The following RCL1 variants were observed in gnomAD, a reference collection of about 807,000 sequenced individuals.
RCL1 encodes the protein RNA 3'-terminal phosphate cyclase-like protein.
In RCL1, 24 loss-of-function variants were observed where a neutral mutation model predicts 42.4. The ratio of observed to expected loss-of-function variants is 0.57; its 90% confidence interval spans 0.41 to 0.80. RCL1 has a LOEUF of 0.80. Ranked by LOEUF, RCL1 falls within the 30% of genes least tolerant of loss-of-function variation. The pLI is 0.00. For synonymous variants in RCL1, 228 were observed against 177.3 expected (o/e 1.29, Z -2.27); for missense variants, 578 against 467.9 (o/e 1.24, Z -2.17).
chr9:4,836,453 C>CA (rs1233058984), intron 5 of RCL1, among the ~76,000 whole-genome samples: 2 of 152,038 alleles, frequency 1.3e-5, no homozygotes, highest in African/African-American at 4.8e-5. Context: ...GATACATGTA[C>CA]TGTGTAGGAC....
chr9:4,822,052 C>G (rs757673315), intron 1 of RCL1, among the ~76,000 whole-genome samples: 8 of 152,250 alleles, frequency 5.3e-5, no homozygotes, highest in African/African-American at 9.6e-5. Flanking sequence ...ATGCAACACA[C>G]AGCAGCTTTA....
intron 1 of RCL1, among the ~76,000 whole-genome samples, chr9:4,822,229 C>A (rs923081710): frequency 4.6e-5 from 7 of 152,196 alleles, no homozygotes; most frequent in African/African-American, 1.7e-4. Flanking sequence ...CCTTTGGGAT[C>A]AGTTTAGGTG....
rs936062013 is a variant in RCL1 at position 4,806,296 on chromosome 9, C to T, written c.136+13069C>T. ...GTTAAGTAAAATGGGTGGGAGGGAA[C>T]ATCCTTGCCTTGTTCCCTATCTTAG... On this transcript the variant is annotated intron_variant, in intron 1 of 8. Transcript: ENST00000381750. Among the ~76,000 whole-genome samples, 3 of 152,162 alleles carry T rather than the reference C, an allele frequency of 2.0e-5. No individual in the cohort carries two copies. The East Asian group carries it at 5.8e-4, about 29-fold the overall frequency.
chr9:4,806,158 G>A (rs1462094028), intron 1 of RCL1, among the ~76,000 whole-genome samples: 1 of 151,416 alleles, frequency 6.6e-6, no homozygotes, highest in Admixed American at 6.6e-5. Context: ...TTTATTTTCT[G>A]TGTAGCTGGT....
At chr9:4,811,179 G>A (rs532175721) in intron 1 of RCL1, among the ~76,000 whole-genome samples, 46 of 151,938 alleles carry the variant, frequency 3.0e-4, no homozygotes, top group Non-Finnish European at 5.9e-4. Flanking sequence ...CTACTCAGGA[G>A]GCTGAGGTGG....
chr9:4,793,037 G>T lies in RCL1; in HGVS notation c.-55G>T. 1 of 1,561,192 alleles carries T rather than the reference G, an allele frequency of 6.4e-7. No individual in the cohort carries two copies. Among genetic ancestry groups the T allele is most frequent in the Non-Finnish European group, 8.7e-7 (1 of 1,151,088 alleles). Reference sequence around the variant, plus strand: ...CCACCATCGGAGTCACGAGTCCCGCGTCTGTCCGAAGTCGCCGCTCTCGGG... The same window carrying T: ...CCACCATCGGAGTCACGAGTCCCGCTTCTGTCCGAAGTCGCCGCTCTCGGG... On this transcript the variant is annotated 5_prime_UTR_variant, in exon 1 of 9. Coordinates refer to ENST00000381750, the MANE Select transcript of RCL1 (RefSeq NM_005772.5).
chr9:4,843,491 G>T (rs866860403), intron 6 of RCL1, among the ~76,000 whole-genome samples: 1 of 152,156 alleles, frequency 6.6e-6, no homozygotes, highest in East Asian at 1.9e-4. Flanking sequence ...AGCTTGGTCA[G>T]CCTAACTTGA....
chr9:4,859,263 C>A (rs1034561922), intron 8 of RCL1, among the ~76,000 whole-genome samples: 1 of 152,166 alleles, frequency 6.6e-6, no homozygotes, highest in Non-Finnish European at 1.5e-5. Flanking sequence ...TGCACACTTC[C>A]CCGGCCACCT....
chr9:4,843,912 G>A (rs1192066859), intron 6 of RCL1, among the ~76,000 whole-genome samples: 1 of 152,154 alleles, frequency 6.6e-6, no homozygotes, highest in African/African-American at 2.4e-5. Context: ...AGATTGTTAA[G>A]CATAACTCAG....
chr9:4,845,741 C>A, intron 7 of RCL1, among the ~76,000 whole-genome samples: 1 of 152,182 alleles, frequency 6.6e-6, no homozygotes, highest in Non-Finnish European at 1.5e-5. Context: ...TGTGTTAGGT[C>A]CCAGATTCTT....
At chr9:4,849,605 C>G in intron 8 of RCL1, 55 bp downstream of exon 8, 1 of 1,318,136 alleles carries the variant, frequency 7.6e-7, no homozygotes, top group East Asian at 2.3e-5. Flanking sequence ...TTCTCATTGC[C>G]CAAAATGACA....
At position 4,860,092 on chromosome 9, in the gene RCL1, T is replaced by TTTTA. The variant is rs746395667; in HGVS notation, c.972-17_972-14dup. Reference sequence around the variant, plus strand: ...ATAATTTTTTTTTGAATGAATTTCTTTTTATTTATTTATTTATTTTTTTCC... The same window carrying TTTTA: ...ATAATTTTTTTTTGAATGAATTTCTTTTTATTTATTTATTTATTTATTTTTTTCC... On this transcript the variant is annotated intron_variant, in intron 8 of 8. Coordinates refer to ENST00000381750, the MANE Select transcript of RCL1 (RefSeq NM_005772.5). The TTTTA allele has an allele frequency of 2.9e-5, 41 of 1,428,458 alleles. No homozygotes were observed. The South Asian group carries it at 2.9e-4, about 10-fold the overall frequency. The allele number at this position is 1,428,458 out of a possible 1,614,324, so 88.5% of individuals were successfully genotyped here.
chr9:4,838,454 G>A (rs1204880002), intron 5 of RCL1, among the ~76,000 whole-genome samples: 4 of 152,204 alleles, frequency 2.6e-5, no homozygotes, highest in Admixed American at 6.5e-5. Flanking sequence ...TCATGATTTG[G>A]TACATGAGAA....
chr9:4,813,146 G>T (rs185150237), intron 1 of RCL1, among the ~76,000 whole-genome samples: 19 of 152,038 alleles, frequency 1.2e-4, no homozygotes, highest in Non-Finnish European at 2.4e-4. Context: ...TCCTTGAGTT[G>T]TTCCAGATCT....
chr9:4,811,425 C>T (rs1302048529), intron 1 of RCL1, among the ~76,000 whole-genome samples: 1 of 152,076 alleles, frequency 6.6e-6, no homozygotes, highest in African/African-American at 2.4e-5. Context: ...ATCCTTCCTT[C>T]TCCCCTCCCT....
rs577975877 is a variant in RCL1, at chr9:4,850,139, C to A, written c.971+589C>A. On this transcript the variant is annotated intron_variant, in intron 8 of 8. Transcript: ENST00000381750. ...AAATGACACTGTGAAAGAAGCATTT[C>A]CTATTGATAGTAAATGAGGTTGCGG... Among the ~76,000 whole-genome samples, 25 of 152,280 alleles carry A rather than the reference C, an allele frequency of 1.6e-4. No individual in the cohort carries two copies. In the South Asian group the frequency reaches 5.2e-3, roughly 32 times the overall value.
intron 1 of RCL1, among the ~76,000 whole-genome samples, chr9:4,811,237 A>G (rs1184747135): frequency 6.6e-6 from 1 of 151,318 alleles, no homozygotes; most frequent in East Asian, 1.9e-4. Flanking sequence ...AGTCATGATC[A>G]CACCACTGCA....
At chr9:4,835,364 G>C (rs1488917675) in intron 5 of RCL1, among the ~76,000 whole-genome samples, 1 of 152,152 alleles carries the variant, frequency 6.6e-6, no homozygotes, top group Non-Finnish European at 1.5e-5. Context: ...GCCCTGAGGA[G>C]TTAGCATTGG....
At chr9:4,838,088 A>T (rs1392271408) in intron 5 of RCL1, among the ~76,000 whole-genome samples, 2 of 152,188 alleles carry the variant, frequency 1.3e-5, no homozygotes, top group Non-Finnish European at 1.5e-5. Flanking sequence ...CCTTTGGAAA[A>T]AGCTTGAGTT....
Sources: gnomAD v4.1 joint callset for allele counts (sites outside exome capture counted in the v4.1 genomes callset) on GRCh38, gnomAD v4.1.1 for gene constraint, MANE v1.5 for transcripts, NCBI Gene and HGNC (gene_info 2026-07-23, HGNC 2026-07-21) for gene names.